PDE8B: variants seen among roughly 807,000 people sequenced by gnomAD.
The protein encoded by PDE8B is phosphodiesterase 8B, also known as high affinity cAMP-specific and IBMX-insensitive 3',5'-cyclic phosphodiesterase 8B.
Under a neutral mutation model 101.3 loss-of-function variants are expected in PDE8B, and 26 were observed. The ratio of observed to expected loss-of-function variants is 0.26; its 90% CI spans 0.19 to 0.36. The LOEUF is 0.36. PDE8B is among the 10% of genes least tolerant of loss of function. The pLI is 1.00. For synonymous variants in PDE8B, 424 were observed against 429.3 expected (o/e 0.99, Z 0.15); for missense variants, 810 against 1,163.1 (o/e 0.70, Z 4.42).
At chr5:77,134,492 A>G in the PDE8B span, 1 of 152,320 alleles carries the variant, frequency 6.6e-6, no homozygotes, top group East Asian at 1.9e-4. Flanking sequence ...ATTGAACTAT[A>G]TACTATGGCT....
the PDE8B span, among the ~76,000 whole-genome samples, chr5:77,097,693 C>CA: frequency 3.0e-4 from 9 of 30,218 alleles, no homozygotes; most frequent in South Asian, 4.5e-3. Context: ...TTTTATATAT[C>CA]TATATATATA....
intron 1 of PDE8B, among the ~76,000 whole-genome samples, chr5:77,228,049 A>G (rs2149471221): frequency 6.6e-6 from 1 of 152,278 alleles, no homozygotes; most frequent in Middle Eastern, 3.4e-3. Context: ...TGCAATCAAG[A>G]TGTTGGCTAG....
chr5:77,276,620 G>A (rs1763900494), intron 1 of PDE8B, among the ~76,000 whole-genome samples: 1 of 152,282 alleles, frequency 6.6e-6, no homozygotes, highest in African/African-American at 2.4e-5. Context: ...AATATTGAGT[G>A]TCTAATGTGT....
the PDE8B span, among the ~76,000 whole-genome samples, chr5:77,197,692 T>C: frequency 1.5e-5 from 1 of 68,096 alleles, no homozygotes; most frequent in South Asian, 6.1e-4. Flanking sequence ...TCAATTTAGT[T>C]AATCTTTTCA....
chr5:77,094,865 AC>A, the PDE8B span, among the ~76,000 whole-genome samples: 3 of 151,936 alleles, frequency 2.0e-5, no homozygotes, highest in African/African-American at 7.2e-5. Context: ...GAGAACTCAT[AC>A]CCCCCAGGTA....
At chr5:77,191,086 T>C in the PDE8B span, among the ~76,000 whole-genome samples, 2 of 152,160 alleles carry the variant, frequency 1.3e-5, no homozygotes, top group Non-Finnish European at 2.9e-5. Context: ...TCACATGGCT[T>C]TTTCTCTGTG....
Position 77,291,027 on chromosome 5 carries a change from A to T in PDE8B, c.340-20967A>T, listed in dbSNP as rs573949592. 3.1e-6 allele frequency: 5 copies of T among 1,611,990 alleles called. No homozygotes were observed. In the East Asian group the frequency reaches 6.7e-5, roughly 22 times the overall value. ...CGGGAGCACTCAGGTGGGAAAACAG[A>T]TGGCCCTGATGGTGCAGGAGAGGTT... On this transcript the variant is annotated intron_variant, in intron 1 of 21. Transcript: ENST00000264917.
rs374615433 is a variant in PDE8B at position 77,419,732 on chromosome 5, T to C, written c.2130-35T>C. The C allele has an allele frequency of 1.9e-6, 3 of 1,612,682 alleles. No homozygotes were observed. In the African/African-American group the frequency reaches 4.0e-5, roughly 22 times the overall value. On this transcript the variant is annotated intron_variant, in intron 18 of 21. Coordinates refer to ENST00000264917, the MANE Select transcript of PDE8B (RefSeq NM_003719.5). ...AGAATAGTTATAATTTGAGACACGC[T>C]GTGAACAAGCCCCTTTGTCTTGTGG...
In PDE8B at chr5:77,309,214, A is replaced by G. The variant is rs973453505; in HGVS notation, c.340-2780A>G. 7.8e-5 allele frequency among the ~76,000 whole-genome samples: 8 copies of G among 102,696 alleles called. No homozygotes were observed. In the South Asian group the frequency reaches 1.5e-3, roughly 20 times the overall value. 67.4% of individuals were successfully genotyped at this position (102,696 alleles called of 152,430 possible). A position where few individuals can be genotyped will look rare whatever the true frequency, so the allele number is the denominator to read the frequency against. Reference sequence around the variant, plus strand: ...AGAAAGAAAAAGAAAGAAAGGAAGGAAGGGAGGGAGGGAGGGGAGGGAGGG... The same window carrying G: ...AGAAAGAAAAAGAAAGAAAGGAAGGGAGGGAGGGAGGGAGGGGAGGGAGGG... On this transcript the variant is annotated intron_variant, in intron 1 of 21. Coordinates refer to ENST00000264917, the MANE Select transcript of PDE8B (RefSeq NM_003719.5).
chr5:77,298,185 A>T (rs376822874), intron 1 of PDE8B, among the ~76,000 whole-genome samples: 29 of 152,334 alleles, frequency 1.9e-4, no homozygotes, highest in African/African-American at 7.0e-4. Context: ...CATCATAAGG[A>T]AACAGTGCCT....
At chr5:77,205,969 T>G (rs1002060280), upstream of PDE8B, among the ~76,000 whole-genome samples, 3 of 152,210 alleles carry the variant, frequency 2.0e-5, no homozygotes, top group African/African-American at 7.2e-5. Flanking sequence ...TATTATATTT[T>G]ATTATTCTGG....
the PDE8B span, among the ~76,000 whole-genome samples, chr5:77,203,518 G>C: frequency 0.48 from 73,283 of 151,954 alleles, 19,481 homozygotes; most frequent in East Asian, 0.86. Context: ...GGCTGGCTGG[G>C]TGGATGGATG....
the PDE8B span, among the ~76,000 whole-genome samples, chr5:77,183,365 G>A: frequency 1.9e-3 from 293 of 152,130 alleles, 2 homozygotes; most frequent in South Asian, 0.031. Context: ...TGATCCACCC[G>A]CCTCGGCCTC....
chr5:77,344,124 G>T (rs1779729015), intron 6 of PDE8B, among the ~76,000 whole-genome samples: 1 of 152,158 alleles, frequency 6.6e-6, no homozygotes, highest in Admixed American at 6.5e-5. Flanking sequence ...CTTAGTAGTA[G>T]AAGGAATATT....
chr5:77,290,367 C>T (rs555496396), intron 1 of PDE8B: 43 of 1,405,674 alleles, frequency 3.1e-5, no homozygotes, highest in Middle Eastern at 2.3e-4. Flanking sequence ...CTGGGGAGGC[C>T]GGGGAGAGGT....
chr5:77,399,671 A>G (rs1165384148), intron 10 of PDE8B, among the ~76,000 whole-genome samples: 12 of 152,252 alleles, frequency 7.9e-5, no homozygotes, highest in Non-Finnish European at 1.6e-4. Flanking sequence ...TTTATTGAGC[A>G]TTAGCACAAA....
chr5:77,350,947 C>A (rs944813189), intron 8 of PDE8B, 118 bp from the exon 9 acceptor site: 7 of 769,598 alleles, frequency 9.1e-6, no homozygotes, highest in Admixed American at 5.9e-5. Flanking sequence ...ATACAGCAGG[C>A]ATTGGGAAAT....
chr5:77,293,251 A>G (rs918887425), intron 1 of PDE8B, among the ~76,000 whole-genome samples: 4 of 152,188 alleles, frequency 2.6e-5, no homozygotes, highest in African/African-American at 9.7e-5. Flanking sequence ...CTATTTTGAT[A>G]GTTGTATCTT....
chr5:77,120,003 C>CAAAAT, the PDE8B span, among the ~76,000 whole-genome samples: 1 of 151,004 alleles, frequency 6.6e-6, no homozygotes, highest in East Asian at 1.9e-4. Flanking sequence ...TGTTTCTAAA[C>CAAAAT]AAAACAAAAC....
Sources: allele counts gnomAD v4.1 joint callset (sites outside exome capture counted in the v4.1 genomes callset), GRCh38; gene constraint gnomAD v4.1.1; transcripts MANE v1.5; gene names NCBI Gene and HGNC (gene_info 2026-07-23, HGNC 2026-07-21).